The following VAMP4 variants were observed in gnomAD, a reference collection of about 807,000 sequenced individuals.
VAMP4 encodes the protein vesicle associated membrane protein 4, also known as vesicle-associated membrane protein 4.
A neutral mutation model predicts 23.5 loss-of-function variants in VAMP4; 19 were observed. The ratio of observed to expected loss-of-function variants is 0.81; its 90% CI spans 0.56 to 1.19. The LOEUF (loss-of-function observed/expected upper bound fraction) is 1.19, where lower values mean the gene tolerates loss of function less well. Among genes scored for constraint, VAMP4 ranks in the 50% most tolerant of loss-of-function variants. The pLI is 0.00. For missense variants in VAMP4, 145 were observed against 168.6 expected, an observed-to-expected ratio of 0.86 and a Z score of 0.78; for synonymous variants, 31 against 51.0, an observed-to-expected ratio of 0.61 and a Z score of 1.67.
Position 171,702,594 on chromosome 1 carries a change from C to A in VAMP4, c.*1912G>T, listed in dbSNP as rs1305852392. The A allele has an allele frequency of 1.3e-5, 2 of 151,870 alleles. No individual in the cohort carries two copies. Among genetic ancestry groups the A allele is most frequent in the African/African-American group, 4.8e-5 (2 of 41,386 alleles). 9.4% of individuals were successfully genotyped at this position (151,870 alleles called of 1,614,324 possible). The stretch of plus-strand genomic sequence containing the variant: ...TAATGGAAAATTAACCACTTATGAG[C>A]CTAGTTCCAATTCAAATAAAGGACA... On this transcript the variant is annotated 3_prime_UTR_variant, in exon 8 of 8. Coordinates refer to ENST00000236192, the MANE Select transcript of VAMP4 (RefSeq NM_003762.5).
intron 2 of VAMP4, among the ~76,000 whole-genome samples, chr1:171,729,890 C>T (rs6674688): frequency 0.35 from 53,379 of 151,980 alleles, 9,831 homozygotes; most frequent in African/African-American, 0.47. Flanking sequence ...CAGATGTGAT[C>T]ACGGATCTTG....
chr1:171,715,917 A>C (rs1262606257), intron 4 of VAMP4, among the ~76,000 whole-genome samples: 1 of 152,082 alleles, frequency 6.6e-6, no homozygotes, highest in African/African-American at 2.4e-5. Context: ...GGAAGGATCA[A>C]TTGAGCCCAG....
rs1189113992 is a variant in VAMP4, at chr1:171,700,842, C to T, written c.*3664G>A. ...TGTGGTGCTTACTTTAACAAGCTTA[C>T]ATTTATCCCCTGTAATTGGGTTGGT... On this transcript the variant is annotated 3_prime_UTR_variant, in exon 8 of 8. Transcript: ENST00000236192. The T allele has an allele frequency of 2.0e-5, 3 of 152,300 alleles. No homozygotes were observed. The highest frequency in any genetic ancestry group is 2.9e-5 in the Non-Finnish European group (2 of 68,028). The allele number at this position is 152,300 out of a possible 1,614,324, so 9.4% of individuals were successfully genotyped here.
At chr1:171,724,966 G>A (rs1033856394) in intron 3 of VAMP4, among the ~76,000 whole-genome samples, 9 of 152,010 alleles carry the variant, frequency 5.9e-5, no homozygotes, top group South Asian at 2.1e-4. Context: ...TATTTTAACC[G>A]TTTTTAAGCA....
At chr1:171,716,255 A>G (rs2124847584) in intron 4 of VAMP4, among the ~76,000 whole-genome samples, 1 of 152,318 alleles carries the variant, frequency 6.6e-6, no homozygotes, top group South Asian at 2.1e-4. Flanking sequence ...GAATGTCTAC[A>G]ATTCACTACA....
intron 2 of VAMP4, among the ~76,000 whole-genome samples, chr1:171,732,768 A>T (rs889863687): frequency 6.6e-6 from 1 of 152,194 alleles, no homozygotes; most frequent in African/African-American, 2.4e-5. Context: ...TGGGTAAGTT[A>T]TTCCTAAACA....
chr1:171,720,932 G>C (rs1166117303), intron 3 of VAMP4, among the ~76,000 whole-genome samples: 2 of 151,964 alleles, frequency 1.3e-5, no homozygotes, highest in Non-Finnish European at 2.9e-5. Flanking sequence ...TTAACAAATT[G>C]ATTCTAACAA....
chr1:171,720,863 T>C (rs1655171893), intron 3 of VAMP4, among the ~76,000 whole-genome samples: 1 of 151,994 alleles, frequency 6.6e-6, no homozygotes, highest in Admixed American at 6.6e-5. Flanking sequence ...GAAAAAGACA[T>C]AACTATCAAC....
chr1:171,740,964 T>C (rs980000102), intron 1 of VAMP4, among the ~76,000 whole-genome samples: 7 of 152,204 alleles, frequency 4.6e-5, no homozygotes, highest in African/African-American at 1.7e-4. Context: ...GTAACTGATA[T>C]GTGTATCAAA....
intron 4 of VAMP4, among the ~76,000 whole-genome samples, chr1:171,716,845 G>C (rs1399444204): frequency 1.3e-5 from 2 of 152,170 alleles, no homozygotes; most frequent in Admixed American, 6.6e-5. Flanking sequence ...GCTTAGATAA[G>C]CATTAATCAA....
chr1:171,725,297 T>C (rs187607235), intron 3 of VAMP4, among the ~76,000 whole-genome samples: 5 of 152,296 alleles, frequency 3.3e-5, no homozygotes, highest in African/African-American at 1.2e-4. Context: ...ATTCCATTTA[T>C]GTATTCAATA....
At chr1:171,719,350 T>C in intron 3 of VAMP4, 129 bp from the exon 4 acceptor site, 1 of 688,462 alleles carries the variant, frequency 1.5e-6, no homozygotes, top group South Asian at 2.5e-5. Flanking sequence ...TTATTTATCA[T>C]AAGGGACCAC....
chr1:171,736,054 T>G (rs571662601), intron 2 of VAMP4, among the ~76,000 whole-genome samples: 1 of 152,270 alleles, frequency 6.6e-6, no homozygotes, highest in South Asian at 2.1e-4. Context: ...ACCTGGCTAA[T>G]TTTTGTACTT....
rs140039383 is a variant in VAMP4, at chr1:171,713,996, G to A, written c.165-3182C>T. On this transcript the variant is annotated intron_variant, in intron 4 of 7. Coordinates refer to ENST00000236192, the MANE Select transcript of VAMP4 (RefSeq NM_003762.5). ...TAAATCACTATTGATAATGGAAACC[G>A]CAAATATTTTAATTTTTCTGCTACA... 6.4e-3 allele frequency among the ~76,000 whole-genome samples: 973 copies of A among 152,224 alleles called. 8 individuals are homozygous for A. The highest frequency in any genetic ancestry group is 0.022 in the African/African-American group (921 of 41,554).
chr1:171,728,832 G>A (rs1655459805), intron 2 of VAMP4, among the ~76,000 whole-genome samples: 1 of 152,188 alleles, frequency 6.6e-6, no homozygotes. Context: ...TGGTATGGGA[G>A]TGAGGAACTG....
intron 5 of VAMP4, 58 bp downstream of exon 5, chr1:171,710,656 A>G (rs1654820115): frequency 1.5e-6 from 2 of 1,364,806 alleles, no homozygotes; most frequent in African/African-American, 1.5e-5. Flanking sequence ...CTAGACAAGT[A>G]GAAGACAAAA....
rs559507030 is a variant in VAMP4, at chr1:171,700,275, G to A, written c.*4231C>T. On this transcript the variant is annotated 3_prime_UTR_variant, in exon 8 of 8. Transcript: ENST00000236192. ...GCAACACTGGTAAAAATGGTTATGA[G>A]GAATTGAGAAGCTAGGGAACAGGGC... 1.3e-5 allele frequency: 2 copies of A among 152,224 alleles called. No homozygotes were observed. The highest frequency in any genetic ancestry group is 3.9e-4 in the East Asian group (2 of 5,184). The allele number at this position is 152,224 out of a possible 1,614,324, so 9.4% of individuals were successfully genotyped here. A position where few individuals can be genotyped will look rare whatever the true frequency, so the allele number is the denominator to read the frequency against.
At chr1:171,735,867 C>G (rs992351970) in intron 2 of VAMP4, among the ~76,000 whole-genome samples, 1 of 152,146 alleles carries the variant, frequency 6.6e-6, no homozygotes, top group Non-Finnish European at 1.5e-5. Flanking sequence ...TTTCGCCAAA[C>G]CTTCTGCTTT....
At chr1:171,718,558 A>G (rs2124850034) in intron 4 of VAMP4, among the ~76,000 whole-genome samples, 1 of 152,304 alleles carries the variant, frequency 6.6e-6, no homozygotes, top group Non-Finnish European at 1.5e-5. Context: ...TATACCTCAA[A>G]GGTTTTAAAC....
Sources: gnomAD v4.1 joint callset for allele counts (sites outside exome capture counted in the v4.1 genomes callset) on GRCh38, gnomAD v4.1.1 for gene constraint, MANE v1.5 for transcripts, NCBI Gene and HGNC (gene_info 2026-07-23, HGNC 2026-07-21) for gene names.